The following DOK3 variants were observed in gnomAD, a reference collection of about 807,000 sequenced individuals.
DOK3 encodes the protein Dok-like protein.
DOK3 carries 23 observed loss-of-function variants against 26.2 expected under a neutral mutation model. That is an observed-to-expected ratio of 0.88 (90% CI 0.63 to 1.24). The LOEUF (loss-of-function observed/expected upper bound fraction) is 1.24. Among genes scored for constraint, DOK3 ranks in the 50% most tolerant of loss-of-function variants. The pLI, the probability that DOK3 is intolerant of heterozygous loss-of-function variation, is 0.00. For synonymous variants in DOK3, 268 were observed against 268.2 expected, an observed-to-expected ratio of 1.00 and a Z score of 0.01; for missense variants, 619 against 610.6, an observed-to-expected ratio of 1.01 and a Z score of -0.15.
Position 177,503,204 on chromosome 5 carries a change from A to G in DOK3, c.*779T>C, listed in dbSNP as rs930077843. 6 of 1,551,372 alleles carry G rather than the reference A, an allele frequency of 3.9e-6. No individual in the cohort carries two copies. Among genetic ancestry groups the G allele is most frequent in the Non-Finnish European group, 5.2e-6 (6 of 1,146,922 alleles). ...AACGCAGCATGGAAGTCTTCAGGAAACTTCTCTCCCCCTGGAATGTCGGCT... is the reference window on the plus strand; with the variant it reads ...AACGCAGCATGGAAGTCTTCAGGAAGCTTCTCTCCCCCTGGAATGTCGGCT... On this transcript the variant is annotated 3_prime_UTR_variant, in exon 6 of 6. Transcript: ENST00000510898.
chr5:177,509,185 C>A, intron 2 of DOK3: 1 of 374,282 alleles, frequency 2.7e-6, no homozygotes. Context: ...TTTCATGGGT[C>A]AGAGGCTGTG....
At position 177,504,442 on chromosome 5, in the gene DOK3, T is replaced by C. The variant is rs1393091631; in HGVS notation, c.864A>G (p.Pro288=). 3 of 1,576,318 alleles carry C rather than the reference T, an allele frequency of 1.9e-6. No individual in the cohort carries two copies. The highest frequency in any genetic ancestry group is 2.3e-5 in the South Asian group (2 of 85,352). Reference sequence around the variant, plus strand: ...TGGACGTGGGTGGCTCAGGTCCTGGTGGCATCTCCCGAAGCTCTCCGGGGG... The same window carrying C: ...TGGACGTGGGTGGCTCAGGTCCTGGCGGCATCTCCCGAAGCTCTCCGGGGG... The part of the protein sequence containing the change: ...LDTPGELREM[P]PGPEPPTSRK... Residue 288 remains proline, a synonymous_variant, in exon 6 of 6, where the codon CCA becomes CCG. Coordinates refer to ENST00000510898, the MANE Select transcript of DOK3 (RefSeq NM_001308236.3).
chr5:177,503,754 G>A lies in DOK3; in HGVS notation c.*229C>T, dbSNP rs554668996. ...ATGAACGTGGGCAGGGGCGTGTGCC[G>A]TGAGTGCCCCTGCCGGGAGCTGCTC... On this transcript the variant is annotated 3_prime_UTR_variant, in exon 6 of 6. Transcript: ENST00000510898. 1,848 of 1,417,000 alleles carry A rather than the reference G, an allele frequency of 1.3e-3. 1 individual carries two copies. The highest frequency in any genetic ancestry group is 1.5e-3 in the Non-Finnish European group (1,664 of 1,090,992). 87.8% of individuals were successfully genotyped at this position (1,417,000 alleles called of 1,614,324 possible).
chr5:177,502,684 G>A lies in DOK3; in HGVS notation c.*1299C>T. ...CCTACTAGGGAACAGGGTCTCTTGT[G>A]GCAGGGAGTGCCTGCCTTGCACTGT... On this transcript the variant is annotated 3_prime_UTR_variant, in exon 6 of 6. Transcript: ENST00000510898. 4.7e-6 allele frequency: 1 copy of A among 211,554 alleles called. No homozygotes were observed. Among genetic ancestry groups the A allele is most frequent in the South Asian group, 1.4e-4 (1 of 7,210 alleles). The allele number at this position is 211,554 out of a possible 1,614,324, so 13.1% of individuals were successfully genotyped here.
At chr5:177,504,686 A>G (rs746899206) in intron 5 of DOK3, 26 bp from the exon 6 acceptor site, 2 of 1,613,600 alleles carry the variant, frequency 1.2e-6, no homozygotes, top group South Asian at 1.1e-5. Flanking sequence ...ACGGGTGGGG[A>G]TTAGCAGGAG....
At chr5:177,509,968 G>A (rs780022214), upstream of DOK3, 144 of 1,408,666 alleles carry the variant, frequency 1.0e-4, no homozygotes, top group Middle Eastern at 2.5e-4. Context: ...TTTCCCACTC[G>A]GCGTCCTGGT....
chr5:177,506,290 T>C (rs556960977), intron 3 of DOK3, among the ~76,000 whole-genome samples: 1 of 151,400 alleles, frequency 6.6e-6, no homozygotes, highest in Admixed American at 6.6e-5. Flanking sequence ...TAAAATATGA[T>C]AAAATACAGA....
In DOK3 at chr5:177,503,539, A is replaced by C; in HGVS notation, c.*444T>G. On this transcript the variant is annotated 3_prime_UTR_variant, in exon 6 of 6. Coordinates refer to ENST00000510898, the MANE Select transcript of DOK3 (RefSeq NM_001308236.3). ...TGGGCCCTCATGTTGCTCCTTCCTGAGTCTGACAAGTAAGCCTCACAGCTC... is the reference window on the plus strand; with the variant it reads ...TGGGCCCTCATGTTGCTCCTTCCTGCGTCTGACAAGTAAGCCTCACAGCTC... 1 of 1,410,228 alleles carries C rather than the reference A, an allele frequency of 7.1e-7. No homozygotes were observed. The highest frequency in any genetic ancestry group is 9.3e-7 in the Non-Finnish European group (1 of 1,077,542). The allele number at this position is 1,410,228 out of a possible 1,614,324, so 87.4% of individuals were successfully genotyped here.
rs919375627 is a variant in DOK3, at chr5:177,502,799, G to A, written c.*1184C>T. The A allele has an allele frequency of 7.8e-6, 4 of 513,326 alleles. No individual in the cohort carries two copies. The highest frequency in any genetic ancestry group is 1.4e-5 in the Non-Finnish European group (4 of 288,896). 31.8% of individuals were successfully genotyped at this position (513,326 alleles called of 1,614,324 possible). A position where few individuals can be genotyped will look rare whatever the true frequency, so the allele number is the denominator to read the frequency against. Reference sequence around the variant, plus strand: ...CTGAGGAGGTCTGGGCTCGCCCAAGGCCGGGGACTTTGCCAGACCAGTAAG... The same window carrying A: ...CTGAGGAGGTCTGGGCTCGCCCAAGACCGGGGACTTTGCCAGACCAGTAAG... On this transcript the variant is annotated 3_prime_UTR_variant, in exon 6 of 6. Coordinates refer to ENST00000510898, the MANE Select transcript of DOK3 (RefSeq NM_001308236.3).
chr5:177,509,907 C>T, upstream of DOK3: 2 of 1,599,652 alleles, frequency 1.3e-6, no homozygotes, highest in Non-Finnish European at 1.7e-6. Context: ...CTGGGCCTGA[C>T]ACTCCCTGGC....
upstream of DOK3, chr5:177,509,909 C>T (rs1760782372): frequency 6.3e-7 from 1 of 1,596,740 alleles, no homozygotes; most frequent in Non-Finnish European, 8.5e-7. Context: ...GGGCCTGACA[C>T]TCCCTGGCCC....
intron 4 of DOK3, 43 bp from the exon 5 acceptor site, chr5:177,504,958 C>G (rs200466232): frequency 6.3e-7 from 1 of 1,579,382 alleles, no homozygotes; most frequent in African/African-American, 1.3e-5. Flanking sequence ...CCCAAAAAGA[C>G]CCAGCCCTGG....
rs527896037 is a variant in DOK3 at position 177,503,862 on chromosome 5, G to T, written c.*121C>A. On this transcript the variant is annotated 3_prime_UTR_variant, in exon 6 of 6. Transcript: ENST00000510898. ...AGGTCCTCCACAGGCGGCCTGCCTT[G>T]TTCCTGCAGGCCAGGGTGGACACAG... The T allele has an allele frequency of 5.6e-6, 8 of 1,436,876 alleles. No individual in the cohort carries two copies. The East Asian group carries it at 2.0e-4, about 36-fold the overall frequency. The allele number at this position is 1,436,876 out of a possible 1,614,324, so 89.0% of individuals were successfully genotyped here. A position where few individuals can be genotyped will look rare whatever the true frequency, so the allele number is the denominator to read the frequency against.
At position 177,503,547 on chromosome 5, in the gene DOK3, A is replaced by C. The variant is rs1759587786; in HGVS notation, c.*436T>G. On this transcript the variant is annotated 3_prime_UTR_variant, in exon 6 of 6. Transcript: ENST00000510898. ...CATGTTGCTCCTTCCTGAGTCTGACAAGTAAGCCTCACAGCTCCCTCCGCC... is the reference window on the plus strand; with the variant it reads ...CATGTTGCTCCTTCCTGAGTCTGACCAGTAAGCCTCACAGCTCCCTCCGCC... 2.9e-6 allele frequency: 4 copies of C among 1,393,014 alleles called. No individual in the cohort carries two copies. The highest frequency in any genetic ancestry group is 3.8e-6 in the Non-Finnish European group (4 of 1,062,454). 86.3% of individuals were successfully genotyped at this position (1,393,014 alleles called of 1,614,324 possible).
Position 177,502,893 on chromosome 5 carries a change from A to G in DOK3, c.*1090T>C, listed in dbSNP as rs759981141. On this transcript the variant is annotated 3_prime_UTR_variant, in exon 6 of 6. Coordinates refer to ENST00000510898, the MANE Select transcript of DOK3 (RefSeq NM_001308236.3). Reference sequence around the variant, plus strand: ...GAGGGGATGGTGGGCAGAGGCCTCGAAGAGCCAGAAAAGGGTCCCTGCAGG... The same window carrying G: ...GAGGGGATGGTGGGCAGAGGCCTCGGAGAGCCAGAAAAGGGTCCCTGCAGG... 1.1e-5 allele frequency: 7 copies of G among 648,386 alleles called. No individual in the cohort carries two copies. Among genetic ancestry groups the G allele is most frequent in the Non-Finnish European group, 1.8e-5 (7 of 381,588 alleles). The allele number at this position is 648,386 out of a possible 1,614,324, so 40.2% of individuals were successfully genotyped here.
upstream of DOK3, chr5:177,509,888 C>G: frequency 6.2e-7 from 1 of 1,606,474 alleles, no homozygotes; most frequent in East Asian, 2.2e-5. Flanking sequence ...CCCCGGGCAG[C>G]TGCGCACCCT....
At position 177,503,603 on chromosome 5, in the gene DOK3, C is replaced by G; in HGVS notation, c.*380G>C. 1.6e-6 allele frequency: 2 copies of G among 1,282,190 alleles called. No individual in the cohort carries two copies. Among genetic ancestry groups the G allele is most frequent in the Non-Finnish European group, 2.1e-6 (2 of 965,912 alleles). 79.4% of individuals were successfully genotyped at this position (1,282,190 alleles called of 1,614,324 possible). A position where few individuals can be genotyped will look rare whatever the true frequency, so the allele number is the denominator to read the frequency against. On this transcript the variant is annotated 3_prime_UTR_variant, in exon 6 of 6. Transcript: ENST00000510898. ...CTTCGTGTCACTCGGCCGTGCAGAGCAACATGGAGTCCTAATGATTTCCAT... is the reference window on the plus strand; with the variant it reads ...CTTCGTGTCACTCGGCCGTGCAGAGGAACATGGAGTCCTAATGATTTCCAT...
Position 177,503,164 on chromosome 5 carries a change from A to G in DOK3, c.*819T>C, listed in dbSNP as rs1282893506. The G allele has an allele frequency of 6.6e-7, 1 of 1,509,082 alleles. No homozygotes were observed. The highest frequency in any genetic ancestry group is 8.9e-7 in the Non-Finnish European group (1 of 1,127,012). The allele number at this position is 1,509,082 out of a possible 1,614,324, so 93.5% of individuals were successfully genotyped here. A position where few individuals can be genotyped will look rare whatever the true frequency, so the allele number is the denominator to read the frequency against. ...TGGCTCCTAGGATGGCGCCAGGAGCAGGAGCAGAGGAGGGAACGCAGCATG... is the reference window on the plus strand; with the variant it reads ...TGGCTCCTAGGATGGCGCCAGGAGCGGGAGCAGAGGAGGGAACGCAGCATG... On this transcript the variant is annotated 3_prime_UTR_variant, in exon 6 of 6. Transcript: ENST00000510898.
At position 177,508,351 on chromosome 5, in the gene DOK3, C is replaced by T; in HGVS notation, c.258G>A (p.Glu86=). The part of the protein sequence containing the change: ...DCVSVLPADG[E]SCPRDTGAFL... ...AGGCACCGGTGTCCCGGGGGCAGCT[C>T]TCGCCGTCAGCCGGCAGCACGGACA... The change falls in exon 3 of 6, where the codon GAG becomes GAA. Residue 86 remains glutamate, a synonymous_variant. Coordinates refer to ENST00000510898, the MANE Select transcript of DOK3 (RefSeq NM_001308236.3). The T allele has an allele frequency of 6.2e-7, 1 of 1,600,084 alleles. No individual in the cohort carries two copies. The highest frequency in any genetic ancestry group is 8.5e-7 in the Non-Finnish European group (1 of 1,178,476).
Sources: allele counts gnomAD v4.1 joint callset (sites outside exome capture counted in the v4.1 genomes callset), GRCh38; gene constraint gnomAD v4.1.1; transcripts MANE v1.5; gene names NCBI Gene and HGNC (gene_info 2026-07-23, HGNC 2026-07-21).